Variants in KIF6 observed in about 807,000 individuals in gnomAD.
KIF6 encodes the protein kinesin family member 6, also known as kinesin-like protein KIF6.
In KIF6, 106 loss-of-function variants were observed where a neutral mutation model predicts 112.7. The observed-to-expected ratio is 0.94, with a 90% CI of 0.80 to 1.11. The LOEUF (loss-of-function observed/expected upper bound fraction) is 1.11. KIF6 is among the 50% of genes least tolerant of loss of function. The pLI is 0.00. For synonymous variants in KIF6, 339 were observed against 339.9 expected (o/e 1.00, Z 0.03); for missense variants, 929 against 964.0 (o/e 0.96, Z 0.48).
intron 16 of KIF6, among the ~76,000 whole-genome samples, chr6:39,382,875 A>G (rs1158363403): frequency 1.3e-5 from 2 of 151,502 alleles, no homozygotes; most frequent in Admixed American, 1.3e-4. Flanking sequence ...CTGGTGTGAG[A>G]TGGTATCTCG....
intron 3 of KIF6, among the ~76,000 whole-genome samples, chr6:39,662,120 T>G (rs1786187814): frequency 6.6e-6 from 1 of 152,216 alleles, no homozygotes; most frequent in Non-Finnish European, 1.5e-5. Flanking sequence ...GAGTTTGAAA[T>G]ACTTAAAAAT....
chr6:39,718,669 AG>A (rs1790019708), intron 2 of KIF6: 1 of 151,674 alleles, frequency 6.6e-6, no homozygotes, highest in African/African-American at 2.4e-5. Context: ...CCTGAAGGTC[AG>A]AACTGCAGTG....
intron 11 of KIF6, 47 bp from the exon 12 acceptor site, chr6:39,544,740 T>A: frequency 8.8e-7 from 1 of 1,141,152 alleles, no homozygotes; most frequent in Non-Finnish European, 1.2e-6. Context: ...TAGTCCAAAT[T>A]TCTTTGTTTC....
intron 17 of KIF6, 28 bp from the exon 18 acceptor site, chr6:39,360,558 G>T: frequency 6.2e-7 from 1 of 1,613,798 alleles, no homozygotes; most frequent in African/African-American, 1.3e-5. Context: ...AAGAGTCAGG[G>T]CACTGCTGTC....
At chr6:39,553,052 A>G (rs1779474638) in intron 10 of KIF6, among the ~76,000 whole-genome samples, 2 of 152,354 alleles carry the variant, frequency 1.3e-5, no homozygotes, top group Non-Finnish European at 2.9e-5. Flanking sequence ...GAAAGAATCA[A>G]TTCCAATTGA....
At chr6:39,553,510 T>G (rs1192817826) in intron 10 of KIF6, among the ~76,000 whole-genome samples, 1 of 152,232 alleles carries the variant, frequency 6.6e-6, no homozygotes, top group Non-Finnish European at 1.5e-5. Context: ...CATGTATGCA[T>G]TCATGGCCAG....
chr6:39,592,084 C>A (rs1781984914), intron 7 of KIF6, among the ~76,000 whole-genome samples: 2 of 152,138 alleles, frequency 1.3e-5, no homozygotes, highest in African/African-American at 4.8e-5. Flanking sequence ...TGCACCCCAG[C>A]CTGGGCGACA....
chr6:39,386,048 A>T (rs114858728), intron 15 of KIF6, among the ~76,000 whole-genome samples: 4,653 of 152,372 alleles, frequency 0.031, 90 homozygotes, highest in Non-Finnish European at 0.041. Context: ...GCCTACTTTA[A>T]AATCCACATC....
chr6:39,646,187 AAAG>A (rs1785165428), intron 3 of KIF6, among the ~76,000 whole-genome samples: 1 of 151,336 alleles, frequency 6.6e-6, no homozygotes, highest in South Asian at 2.1e-4. Flanking sequence ...AGGTAAAAAA[AAAG>A]AATCTCAAGA....
At chr6:39,383,246 A>G (rs1581728239) in intron 16 of KIF6, among the ~76,000 whole-genome samples, 1 of 152,176 alleles carries the variant, frequency 6.6e-6, no homozygotes, top group East Asian at 1.9e-4. Flanking sequence ...GTCTAGACCA[A>G]TGTCTAGAAA....
intron 13 of KIF6, among the ~76,000 whole-genome samples, chr6:39,462,564 G>A (rs996207880): frequency 2.0e-5 from 3 of 152,076 alleles, no homozygotes; most frequent in Non-Finnish European, 4.4e-5. Flanking sequence ...GAGCATGATG[G>A]GCTGGGAAGA....
intron 15 of KIF6, among the ~76,000 whole-genome samples, chr6:39,405,713 G>A (rs1769039006): frequency 6.6e-6 from 1 of 152,046 alleles, no homozygotes; most frequent in African/African-American, 2.4e-5. Context: ...AAATGAATTG[G>A]GAAGTGTTCC....
intron 13 of KIF6, among the ~76,000 whole-genome samples, chr6:39,453,179 G>A (rs570051923): frequency 3.9e-5 from 6 of 152,152 alleles, no homozygotes; most frequent in Admixed American, 1.3e-4. Flanking sequence ...TTTCATTAAT[G>A]GTCTTTGGCT....
At chr6:39,579,701 G>A (rs1781184382) in intron 9 of KIF6, among the ~76,000 whole-genome samples, 1 of 151,904 alleles carries the variant, frequency 6.6e-6, no homozygotes, top group Non-Finnish European at 1.5e-5. Flanking sequence ...TTAAAGGTTT[G>A]ATTTTCACAT....
At chr6:39,498,620 C>T (rs1036105282) in intron 13 of KIF6, among the ~76,000 whole-genome samples, 1 of 152,066 alleles carries the variant, frequency 6.6e-6, no homozygotes, top group African/African-American at 2.4e-5. Context: ...AATATATAAA[C>T]AAGTAAGTAT....
chr6:39,585,328 T>C (rs189642109), intron 8 of KIF6, among the ~76,000 whole-genome samples: 11 of 152,226 alleles, frequency 7.2e-5, no homozygotes, highest in East Asian at 3.9e-4. Context: ...CAGTTCACAA[T>C]TGGGTTCACG....
At chr6:39,670,387 C>A (rs1208316712) in intron 3 of KIF6, among the ~76,000 whole-genome samples, 4 of 152,082 alleles carry the variant, frequency 2.6e-5, no homozygotes, top group Non-Finnish European at 5.9e-5. Flanking sequence ...GAAGCCTTAC[C>A]AATAACATAA....
rs1243715389 is a variant in KIF6, at chr6:39,332,575, C to T, written c.*3957G>A. 6.6e-6 allele frequency: 1 copy of T among 152,180 alleles called. No homozygotes were observed. The highest frequency in any genetic ancestry group is 1.5e-5 in the Non-Finnish European group (1 of 68,040). The allele number at this position is 152,180 out of a possible 1,614,324, so 9.4% of individuals were successfully genotyped here. On this transcript the variant is annotated 3_prime_UTR_variant, in exon 23 of 23. Coordinates refer to ENST00000287152, the MANE Select transcript of KIF6 (RefSeq NM_145027.6). ...TACCTTATGTGTCTCTATACAATGACTGTTTTGGGAGGTTTCTCCACTCTG... is the reference window on the plus strand; with the variant it reads ...TACCTTATGTGTCTCTATACAATGATTGTTTTGGGAGGTTTCTCCACTCTG...
chr6:39,621,022 G>C (rs1285119841), intron 5 of KIF6, among the ~76,000 whole-genome samples: 1 of 151,988 alleles, frequency 6.6e-6, no homozygotes, highest in Non-Finnish European at 1.5e-5. Context: ...GCCCACCCTG[G>C]CCGCTCAAAG....
Sources: gnomAD v4.1 joint callset for allele counts (sites outside exome capture counted in the v4.1 genomes callset) on GRCh38, gnomAD v4.1.1 for gene constraint, MANE v1.5 for transcripts, NCBI Gene and HGNC (gene_info 2026-07-23, HGNC 2026-07-21) for gene names.